Variants in GABRA2 observed in about 807,000 individuals in gnomAD.
The protein encoded by GABRA2 is gamma-aminobutyric acid receptor subunit alpha-2.
GABRA2 carries 16 observed loss-of-function variants against 48.7 expected under a neutral mutation model. The observed-to-expected ratio is 0.33, with a 90% CI of 0.22 to 0.50. The LOEUF (loss-of-function observed/expected upper bound fraction) is 0.50. GABRA2 is among the 20% of genes least tolerant of loss of function. The probability of loss-of-function intolerance (pLI) is 0.98; values close to 1 mark genes in which losing one functional copy is unlikely to be tolerated. For synonymous variants in GABRA2, 185 were observed against 184.5 expected, an observed-to-expected ratio of 1.00 and a Z score of -0.02; for missense variants, 275 against 535.6, an observed-to-expected ratio of 0.51 and a Z score of 4.80.
chr4:46,326,288 C>G (rs1266486284), intron 4 of GABRA2, among the ~76,000 whole-genome samples: 2 of 151,894 alleles, frequency 1.3e-5, no homozygotes, highest in Non-Finnish European at 2.9e-5. Flanking sequence ...AGTCAAATTA[C>G]TTCTACCTGC....
At chr4:46,304,546 C>T (rs573827178) in intron 7 of GABRA2, among the ~76,000 whole-genome samples, 1 of 151,992 alleles carries the variant, frequency 6.6e-6, no homozygotes, top group East Asian at 1.9e-4. Context: ...AATCAGCTTT[C>T]CACACAGGCC....
intron 4 of GABRA2, among the ~76,000 whole-genome samples, chr4:46,326,800 AT>A (rs1730465716): frequency 6.6e-6 from 1 of 151,898 alleles, no homozygotes; most frequent in Non-Finnish European, 1.5e-5. Context: ...CTACCTAGAC[AT>A]CTCCAATTAA....
rs551212967 is a variant in GABRA2, at chr4:46,351,974, G to GT, written c.188-19293dup. Among the ~76,000 whole-genome samples the GT allele has an allele frequency of 3.9e-3, 455 of 118,120 alleles. 4 individuals carry two copies. The highest frequency in any genetic ancestry group is 0.022 in the South Asian group (63 of 2,880). The allele number at this position is 118,120 out of a possible 152,430, so 77.5% of individuals were successfully genotyped here. A position where few individuals can be genotyped will look rare whatever the true frequency, so the allele number is the denominator to read the frequency against. ...CATTTGGGGTTTTACCAAAAACTGG[G>GT]TTTTTTTTTTTTACCTGTCCACTTA... On this transcript the variant is annotated intron_variant, in intron 3 of 9. Coordinates refer to ENST00000381620, the MANE Select transcript of GABRA2 (RefSeq NM_000807.4).
intron 3 of GABRA2, among the ~76,000 whole-genome samples, chr4:46,385,078 CATATATA>C (rs1280518378): frequency 2.1e-5 from 3 of 143,540 alleles, no homozygotes; most frequent in Admixed American, 7.0e-5. Context: ...AATTGCCTAA[CATATATA>C]TATATATATA....
At chr4:46,374,584 A>G (rs906903877) in intron 3 of GABRA2, among the ~76,000 whole-genome samples, 1 of 152,154 alleles carries the variant, frequency 6.6e-6, no homozygotes, top group Non-Finnish European at 1.5e-5. Context: ...ATCCAATTGT[A>G]CTACCCATTA....
At chr4:46,378,838 A>T (rs922866901) in intron 3 of GABRA2, among the ~76,000 whole-genome samples, 3 of 152,172 alleles carry the variant, frequency 2.0e-5, no homozygotes, top group African/African-American at 7.2e-5. Flanking sequence ...AAAAAAAAAA[A>T]AAAGTAGGCA....
intron 8 of GABRA2, among the ~76,000 whole-genome samples, chr4:46,295,825 C>T (rs765683261): frequency 1.3e-5 from 2 of 152,122 alleles, no homozygotes; most frequent in African/African-American, 2.4e-5. Flanking sequence ...ACACTTATGC[C>T]GGATATGGGT....
chr4:46,302,846 G>C (rs563932374), intron 8 of GABRA2, among the ~76,000 whole-genome samples: 12 of 152,268 alleles, frequency 7.9e-5, no homozygotes, highest in African/African-American at 2.9e-4. Context: ...TCTCTGCCTA[G>C]AGAACCCTCT....
chr4:46,243,971 G>T lies in GABRA2; in HGVS notation c.*6337C>A, dbSNP rs1713238472. ...CATCTACTGGAAACATTTCATGAAA[G>T]GTGATGTTCCTTAGTTTGAAGCACA... On this transcript the variant is annotated 3_prime_UTR_variant, in exon 10 of 10. Transcript: ENST00000381620. 1 of 151,488 alleles carries T rather than the reference G, an allele frequency of 6.6e-6. No individual in the cohort carries two copies. The highest frequency in any genetic ancestry group is 2.4e-5 in the African/African-American group (1 of 41,370). 9.4% of individuals were successfully genotyped at this position (151,488 alleles called of 1,614,324 possible).
rs576262707 is a variant in GABRA2, at chr4:46,271,232, A to C, written c.857-9104T>G. 5.7e-4 allele frequency among the ~76,000 whole-genome samples: 86 copies of C among 152,018 alleles called. 1 individual carries two copies. The highest frequency in any genetic ancestry group is 2.0e-3 in the African/African-American group (81 of 41,534). On this transcript the variant is annotated intron_variant, in intron 8 of 9. Coordinates refer to ENST00000381620, the MANE Select transcript of GABRA2 (RefSeq NM_000807.4). ...GGTTATTGCTTGGAATGACAGAAAC[A>C]AAAGATACTCTGATAACATGTGTTG... is the stretch of plus-strand genomic sequence containing the variant.
chr4:46,355,341 T>C (rs959719018), intron 3 of GABRA2, among the ~76,000 whole-genome samples: 2 of 152,174 alleles, frequency 1.3e-5, no homozygotes, highest in African/African-American at 4.8e-5. Context: ...TAAACATCCA[T>C]CATGCTTTAA....
At chr4:46,334,403 T>C (rs944581750) in intron 3 of GABRA2, among the ~76,000 whole-genome samples, 96 of 152,310 alleles carry the variant, frequency 6.3e-4, no homozygotes, top group Non-Finnish European at 2.6e-4. Context: ...AATCACACTA[T>C]TACATTTATT....
chr4:46,316,628 A>G (rs1728600647), intron 4 of GABRA2, among the ~76,000 whole-genome samples: 3 of 152,006 alleles, frequency 2.0e-5, no homozygotes, highest in Admixed American at 6.6e-5. Context: ...GTTCTTGTTT[A>G]TGTACAACTT....
intron 6 of GABRA2, among the ~76,000 whole-genome samples, chr4:46,308,624 C>T (rs1448481344): frequency 1.3e-5 from 2 of 152,052 alleles, no homozygotes; most frequent in Non-Finnish European, 2.9e-5. Flanking sequence ...GTGAAGAAAA[C>T]AAAATTAGTG....
At chr4:46,389,383 A>G in intron 1 of GABRA2, 2 of 985,384 alleles carry the variant, frequency 2.0e-6, no homozygotes, top group Non-Finnish European at 2.4e-6. Flanking sequence ...CGCGTTTGAC[A>G]GCTGCTCTGG....
intron 4 of GABRA2, among the ~76,000 whole-genome samples, chr4:46,318,537 A>T (rs1332378101): frequency 6.6e-6 from 1 of 151,664 alleles, no homozygotes. Context: ...TTTGAAAAGG[A>T]TATTCTTGAA....
At chr4:46,362,160 G>T (rs576907976) in intron 3 of GABRA2, among the ~76,000 whole-genome samples, 1 of 152,230 alleles carries the variant, frequency 6.6e-6, no homozygotes, top group Non-Finnish European at 1.5e-5. Context: ...GAGGGGCTGG[G>T]GTGGAATGAC....
intron 9 of GABRA2, among the ~76,000 whole-genome samples, chr4:46,254,092 T>G (rs1715334131): frequency 6.6e-6 from 1 of 151,470 alleles, no homozygotes; most frequent in South Asian, 2.1e-4. Context: ...TTGATAGTGA[T>G]AGTCCCAAAG....
intron 3 of GABRA2, among the ~76,000 whole-genome samples, chr4:46,345,350 G>T (rs902175719): frequency 6.6e-6 from 1 of 151,804 alleles, no homozygotes; most frequent in African/African-American, 2.4e-5. Context: ...TCAGCTCGTT[G>T]TCCATATTCC....
Sources: gnomAD v4.1 joint callset for allele counts (sites outside exome capture counted in the v4.1 genomes callset) on GRCh38, gnomAD v4.1.1 for gene constraint, MANE v1.5 for transcripts, NCBI Gene and HGNC (gene_info 2026-07-23, HGNC 2026-07-21) for gene names.